Variants in NEURL1B observed in about 807,000 individuals in gnomAD.
NEURL1B encodes neuralized E3 ubiquitin protein ligase 1B.
NEURL1B carries 13 observed loss-of-function variants against 37.4 expected under a neutral mutation model. The observed-to-expected ratio is 0.35, with a 90% CI of 0.23 to 0.55. The LOEUF (loss-of-function observed/expected upper bound fraction) is 0.55. Ranked by LOEUF, NEURL1B falls within the 20% of genes least tolerant of loss-of-function variation. The pLI is 0.89. For missense variants in NEURL1B, 790 were observed against 879.2 expected, an observed-to-expected ratio of 0.90 and a Z score of 1.28; for synonymous variants, 432 against 426.6, an observed-to-expected ratio of 1.01 and a Z score of -0.16.
chr5:172,672,062 G>A (rs556620849), intron 2 of NEURL1B, among the ~76,000 whole-genome samples: 10 of 152,352 alleles, frequency 6.6e-5, no homozygotes, highest in South Asian at 4.1e-4. Context: ...TACATGAGAT[G>A]ATGTCTGAAA....
intron 1 of NEURL1B, among the ~76,000 whole-genome samples, chr5:172,650,251 A>G (rs1253632735): frequency 6.6e-6 from 1 of 152,128 alleles, no homozygotes; most frequent in Non-Finnish European, 1.5e-5. Context: ...GCAGATCTCC[A>G]TGTCTCAGAA....
Position 172,669,864 on chromosome 5 carries a change from G to T in NEURL1B, c.111G>T (p.Glu37Asp). 7.2e-7 allele frequency: 1 copy of T among 1,396,352 alleles called. No individual in the cohort carries two copies. 86.5% of individuals were successfully genotyped at this position (1,396,352 alleles called of 1,614,324 possible). Residue 37 changes from glutamate to aspartate, a missense_variant, in exon 2 of 5, where the codon GAG becomes GAT. By Grantham distance (45) the Glu-to-Asp change is conservative (BLOSUM62 2). Transcript: ENST00000369800. Reference sequence around the variant, plus strand: ...CCGAGCGACGCCCGGTCCTGGGCGAGGCGCCGCGCTTCCACGCGCAGGCCA... The same window carrying T: ...CCGAGCGACGCCCGGTCCTGGGCGATGCGCCGCGCTTCCACGCGCAGGCCA... ...PGPERRPVLGEAPRFHAQAKG... is the reference protein window; with the variant it reads ...PGPERRPVLGDAPRFHAQAKG...
rs1476622908 is a variant in NEURL1B at position 172,686,199 on chromosome 5, G to A, written c.1326G>A (p.Thr442=). ...CCCTGCAGTCCAGCCCTGCGACCAC[G>A]ACTCCATCAGGGTCCCTCAGCGGCT... The part of the protein sequence containing the change: ...LGTLQSSPAT[T]TPSGSLSGSQ... Residue 442 remains threonine (T), a synonymous_variant, in exon 4 of 5, where the codon ACG becomes ACA. Coordinates refer to ENST00000369800, the MANE Select transcript of NEURL1B (RefSeq NM_001142651.3). This position sits in a 1 kb window ranked among gnomAD's most constrained non-coding sequence, Gnocchi z 7.9. 21 of 1,551,532 alleles carry A rather than the reference G, an allele frequency of 1.4e-5. 1 individual carries two copies. Among genetic ancestry groups the A allele is most frequent in the South Asian group, 7.1e-5 (6 of 84,060 alleles).
At chr5:172,668,183 A>G (rs1303983482) in intron 1 of NEURL1B, among the ~76,000 whole-genome samples, 1 of 152,038 alleles carries the variant, frequency 6.6e-6, no homozygotes, top group Non-Finnish European at 1.5e-5. Context: ...CTGGAACGTC[A>G]GCTCCATCAG....
chr5:172,678,193 T>A (rs1380096765), intron 2 of NEURL1B, among the ~76,000 whole-genome samples: 1 of 152,206 alleles, frequency 6.6e-6, no homozygotes, highest in African/African-American at 2.4e-5. Flanking sequence ...ACTCTTTCCT[T>A]TTTACTTTCT....
intron 1 of NEURL1B, among the ~76,000 whole-genome samples, chr5:172,667,363 T>C: frequency 6.6e-6 from 1 of 150,780 alleles, no homozygotes; most frequent in East Asian, 1.9e-4. Context: ...GAAGAAGTGC[T>C]TAAACCCAAG....
rs1757813495 is a variant in NEURL1B, at chr5:172,657,172, A to G, written c.32-12613A>G. Among the ~76,000 whole-genome samples the G allele has an allele frequency of 6.6e-6, 1 of 152,178 alleles. No individual in the cohort carries two copies. Among genetic ancestry groups the G allele is most frequent in the Non-Finnish European group, 1.5e-5 (1 of 68,024 alleles). On this transcript the variant is annotated intron_variant, in intron 1 of 4. Transcript: ENST00000369800. The surrounding 1 kb of genome is among the most constrained non-coding windows in gnomAD (Gnocchi z 4.0). ...CCTCACCGTGCTGTTTATCTGCCTC[A>G]TGAACTTGTGCCAGCCCCTTACCCT...
At position 172,686,801 on chromosome 5, in the gene NEURL1B, T is replaced by C; in HGVS notation, c.1544T>C (p.Ile515Thr). Residue 515 changes from isoleucine to threonine, a missense_variant, in exon 5 of 5, where the codon ATC (isoleucine) becomes ACC (threonine). Ile to Thr is a moderately conservative substitution (Grantham distance 89, BLOSUM62 -1). Coordinates refer to ENST00000369800, the MANE Select transcript of NEURL1B (RefSeq NM_001142651.3). This position sits in a 1 kb window ranked among gnomAD's most constrained non-coding sequence, Gnocchi z 7.9. The part of the protein sequence containing the change: ...VCFDGEVDTV[I>T]YTCGHMCLCH... The stretch of plus-strand genomic sequence containing the variant: ...TTCGATGGCGAGGTGGACACGGTCA[T>C]CTACACGTGTGGACACATGTGCCTG... 6.4e-7 allele frequency: 1 copy of C among 1,551,986 alleles called. No homozygotes were observed. The highest frequency in any genetic ancestry group is 8.7e-7 in the Non-Finnish European group (1 of 1,147,378).
intron 1 of NEURL1B, among the ~76,000 whole-genome samples, chr5:172,655,137 C>T (rs1757743632): frequency 1.3e-5 from 2 of 152,032 alleles, no homozygotes; most frequent in Admixed American, 1.3e-4. Flanking sequence ...CTTTCTTCCC[C>T]CAAGAAGAAA....
chr5:172,648,186 C>A (rs1033057195), intron 1 of NEURL1B, among the ~76,000 whole-genome samples: 1 of 152,214 alleles, frequency 6.6e-6, no homozygotes, highest in African/African-American at 2.4e-5. Flanking sequence ...GTGACGTAAC[C>A]TCTCTAAGCC....
chr5:172,684,768 T>C (rs1273119587), intron 3 of NEURL1B, among the ~76,000 whole-genome samples: 2 of 152,216 alleles, frequency 1.3e-5, no homozygotes, highest in East Asian at 3.9e-4. Flanking sequence ...CAGGACACAC[T>C]CCATGCCGGT....
chr5:172,664,763 C>T (rs928184409), intron 1 of NEURL1B, among the ~76,000 whole-genome samples: 1 of 152,192 alleles, frequency 6.6e-6, no homozygotes, highest in Non-Finnish European at 1.5e-5. Context: ...GTGTAAATAA[C>T]ACATCCTCTT....
rs989474183 is a variant in NEURL1B at position 172,686,938 on chromosome 5, A to G, written c.*13A>G. 6.5e-7 allele frequency: 1 copy of G among 1,537,304 alleles called. No homozygotes were observed. Among genetic ancestry groups the G allele is most frequent in the Non-Finnish European group, 8.8e-7 (1 of 1,136,086 alleles). On this transcript the variant is annotated 3_prime_UTR_variant, in exon 5 of 5. Transcript: ENST00000369800. The surrounding 1 kb of genome is among the most constrained non-coding windows in gnomAD (Gnocchi z 7.9). ...CTACAGGCCATAGCCTAGCCTGCCC[A>G]CGGGCCTTGGCCGGTGCAAGGTCAC...
At chr5:172,648,605 C>T (rs1202789187) in intron 1 of NEURL1B, among the ~76,000 whole-genome samples, 1 of 152,216 alleles carries the variant, frequency 6.6e-6, no homozygotes, top group Non-Finnish European at 1.5e-5. Flanking sequence ...AGGGAAGGAA[C>T]GTCAGTGTGG....
chr5:172,660,491 C>T (rs913026268), intron 1 of NEURL1B, among the ~76,000 whole-genome samples: 1 of 152,246 alleles, frequency 6.6e-6, no homozygotes, highest in Admixed American at 6.5e-5. Context: ...GTGGCAGTTA[C>T]CAGCGCGGGC....
At chr5:172,679,082 G>T (rs374632857) in intron 2 of NEURL1B, among the ~76,000 whole-genome samples, 1 of 152,362 alleles carries the variant, frequency 6.6e-6, no homozygotes, top group African/African-American at 2.4e-5. Context: ...CATTAGGCCC[G>T]TGGAGACTGA....
chr5:172,670,811 A>G (rs906530499), intron 2 of NEURL1B, among the ~76,000 whole-genome samples: 4 of 152,172 alleles, frequency 2.6e-5, no homozygotes, highest in African/African-American at 9.7e-5. Context: ...TCACTCATTC[A>G]GCGTCAAACT....
At chr5:172,658,314 G>A (rs148222831) in intron 1 of NEURL1B, among the ~76,000 whole-genome samples, 236 of 152,240 alleles carry the variant, frequency 1.6e-3, no homozygotes, top group Non-Finnish European at 2.7e-3. Flanking sequence ...TTCCAAGCAC[G>A]TAGCCCTTTA....
chr5:172,683,723 C>T lies in NEURL1B; in HGVS notation c.882C>T (p.Ala294=). The T allele has an allele frequency of 7.4e-7, 1 of 1,358,014 alleles. No individual in the cohort carries two copies. Among genetic ancestry groups the T allele is most frequent in the Non-Finnish European group, 9.5e-7 (1 of 1,047,402 alleles). The allele number at this position is 1,358,014 out of a possible 1,614,324, so 84.1% of individuals were successfully genotyped here. A position where few individuals can be genotyped will look rare whatever the true frequency, so the allele number is the denominator to read the frequency against. ...GCGGGCCCGACGTGAGCCTGTCGGC[C>T]GACCGCAAAGTGGCCTGCGCACCGC... The part of the protein sequence containing the change: ...ATRGPDVSLS[A]DRKVACAPRP... The change falls in exon 3 of 5, where the codon GCC becomes GCT. Residue 294 remains alanine (A), a synonymous_variant. Transcript: ENST00000369800. This position sits in a 1 kb window ranked among gnomAD's most constrained non-coding sequence, Gnocchi z 5.6.
Sources: gnomAD v4.1 joint callset for allele counts (sites outside exome capture counted in the v4.1 genomes callset) on GRCh38, gnomAD v4.1.1 for gene constraint, Gnocchi (gnomAD v3.1) non-coding constraint, MANE v1.5 for transcripts, NCBI Gene and HGNC (gene_info 2026-07-23, HGNC 2026-07-21) for gene names.